Variants in ANXA2 observed in about 807,000 individuals in gnomAD.
ANXA2 encodes annexin A2, also known as annexin II.
ANXA2 carries 28 observed loss-of-function variants against 47.3 expected under a neutral mutation model. The ratio of observed to expected loss-of-function variants is 0.59; its 90% CI spans 0.44 to 0.81. The LOEUF is 0.81. Among genes scored for constraint, ANXA2 ranks in the 40% least tolerant of loss-of-function variants. The probability of loss-of-function intolerance (pLI) is 0.00; values close to 1 mark genes in which losing one functional copy is unlikely to be tolerated. For missense variants in ANXA2, 384 were observed against 414.3 expected (o/e 0.93, Z 0.64); for synonymous variants, 172 against 155.5 (o/e 1.11, Z -0.79).
Position 60,378,140 on chromosome 15 carries a change from GC to G in ANXA2, c.148+4201del, listed in dbSNP as rs199624228. 3.2e-3 allele frequency among the ~76,000 whole-genome samples: 491 copies of G among 152,194 alleles called. 3 individuals carry two copies. Among genetic ancestry groups the G allele is most frequent in the African/African-American group, 0.011 (472 of 41,514 alleles). Reference sequence around the variant, plus strand: ...AAATGGTTGTGGTTGTGATCACATAGCATATACCATCCCATTTCTATTTCTT... The same window carrying G: ...AAATGGTTGTGGTTGTGATCACATAGATATACCATCCCATTTCTATTTCTT... On this transcript the variant is annotated intron_variant, in intron 3 of 12. Transcript: ENST00000451270.
chr15:60,349,462 T>A (rs556622803), intron 11 of ANXA2, among the ~76,000 whole-genome samples: 58 of 152,190 alleles, frequency 3.8e-4, no homozygotes, highest in African/African-American at 1.3e-3. Flanking sequence ...CATAAATGAA[T>A]CTCAAGTTTA....
At chr15:60,393,127 A>C in intron 1 of ANXA2, 1 of 1,284,194 alleles carries the variant, frequency 7.8e-7, no homozygotes, top group Non-Finnish European at 1.0e-6. Context: ...GAATTCCTGG[A>C]ATTCGGCCCA....
intron 11 of ANXA2, among the ~76,000 whole-genome samples, chr15:60,350,838 T>C (rs1401544059): frequency 6.6e-6 from 1 of 152,198 alleles, no homozygotes; most frequent in Non-Finnish European, 1.5e-5. Context: ...GTCCACTGTA[T>C]AGTGGGTGCT....
At chr15:60,386,455 T>C (rs2062934787) in intron 1 of ANXA2, 1 of 167,652 alleles carries the variant, frequency 6.0e-6, no homozygotes, top group Non-Finnish European at 1.3e-5. Flanking sequence ...AACCAGCCAC[T>C]ACTTCTGTAT....
chr15:60,397,370 GTCT>G, intron 1 of ANXA2: 1 of 968,962 alleles, frequency 1.0e-6, no homozygotes, highest in Non-Finnish European at 1.2e-6. Context: ...ACGTTTTAAT[GTCT>G]TCTTTTATGG....
intron 3 of ANXA2, among the ~76,000 whole-genome samples, chr15:60,371,831 C>T (rs8030787): frequency 0.39 from 58,932 of 152,044 alleles, 11,798 homozygotes; most frequent in Admixed American, 0.53. Flanking sequence ...GGTGTGTACA[C>T]GTGGACGTAG....
intron 1 of ANXA2, among the ~76,000 whole-genome samples, chr15:60,392,231 C>T (rs2063022405): frequency 6.6e-6 from 1 of 152,118 alleles, no homozygotes; most frequent in Admixed American, 6.5e-5. Context: ...AAAAAGCTCA[C>T]AGTGCAAGGC....
intron 3 of ANXA2, chr15:60,374,659 A>G (rs1431646720): frequency 4.4e-6 from 2 of 456,006 alleles, no homozygotes; most frequent in Non-Finnish European, 8.8e-6. Context: ...AGTGTTTGAT[A>G]GCTACGTGGC....
chr15:60,368,304 T>C (rs2062663535), intron 3 of ANXA2, among the ~76,000 whole-genome samples: 1 of 36,908 alleles, frequency 2.7e-5, no homozygotes, highest in Non-Finnish European at 5.9e-5. Flanking sequence ...CCAAGAATGA[T>C]CAATAAAAAA....
chr15:60,371,495 T>C (rs1157814285), intron 3 of ANXA2, among the ~76,000 whole-genome samples: 1 of 152,180 alleles, frequency 6.6e-6, no homozygotes, highest in East Asian at 1.9e-4. Context: ...TGGCATTCCA[T>C]GGAAAATGTG....
chr15:60,347,789 A>G (rs1895788956), intron 12 of ANXA2, 100 bp from the exon 13 acceptor site: 3 of 1,063,326 alleles, frequency 2.8e-6, no homozygotes, highest in African/African-American at 3.2e-5. Flanking sequence ...AGCTTCTCCC[A>G]TGACAAAGAG....
rs763951173 is a variant in ANXA2, at chr15:60,364,484, C to T, written c.188G>A (p.Arg63His). 1.1e-5 allele frequency: 17 copies of T among 1,613,080 alleles called. No individual in the cohort carries two copies. Among genetic ancestry groups the T allele is most frequent in the Middle Eastern group, 3.3e-4 (2 of 6,058 alleles). The change falls in exon 4 of 13, where the codon CGC becomes CAC. Residue 63 changes from arginine (R) to histidine (H), a missense_variant. Physicochemically the swap from Arg to His is conservative, Grantham distance 29 (BLOSUM62 0). Coordinates refer to ENST00000451270, the MANE Select transcript of ANXA2 (RefSeq NM_004039.3). ...EVTIVNILTNRSNAQRQDIAF... is the reference protein window; with the variant it reads ...EVTIVNILTNHSNAQRQDIAF... ...AATATCCTGTCTCTGTGCATTGCTG[C>T]GGTTGGTCAAAATGTTGACAATGGT...
intron 7 of ANXA2, 87 bp downstream of exon 7, chr15:60,355,832 T>C: frequency 9.0e-7 from 1 of 1,114,050 alleles, no homozygotes; most frequent in East Asian, 2.3e-5. Context: ...GCACAGGGGA[T>C]TTAGTTAATT....
intron 1 of ANXA2, among the ~76,000 whole-genome samples, chr15:60,387,882 A>C (rs1027972918): frequency 2.6e-5 from 4 of 152,128 alleles, no homozygotes; most frequent in Admixed American, 6.5e-5. Flanking sequence ...CATGAACCTA[A>C]AACTTTCCTA....
chr15:60,393,167 C>G, intron 1 of ANXA2: 1 of 1,244,966 alleles, frequency 8.0e-7, no homozygotes, highest in Non-Finnish European at 1.0e-6. Context: ...GCAGGAGGGA[C>G]ACACAGCACT....
intron 5 of ANXA2, among the ~76,000 whole-genome samples, chr15:60,358,980 C>A (rs2062473285): frequency 6.6e-6 from 1 of 152,254 alleles, no homozygotes; most frequent in South Asian, 2.1e-4. Context: ...AAAGCCCGGC[C>A]CAAACTCTCC....
In ANXA2 at chr15:60,351,803, C is replaced by T. The variant is rs1326542940; in HGVS notation, c.699G>A (p.Lys233=). 6.2e-7 allele frequency: 1 copy of T among 1,612,170 alleles called. No homozygotes were observed. The highest frequency in any genetic ancestry group is 1.3e-5 in the African/African-American group (1 of 74,870). Residue 233 remains lysine (K), a synonymous_variant, in exon 10 of 13, where the codon AAG becomes AAA. Coordinates refer to ENST00000451270, the MANE Select transcript of ANXA2 (RefSeq NM_004039.3). ...PHLQKVFDRY[K]SYSPYDMLES... is the part of the protein sequence containing the mutation. ...CCAACATGTCATAAGGGCTGTAACT[C>T]TTGTACCTATCAAATACTGAGGAAA...
rs550935200 is a variant in ANXA2, at chr15:60,350,428, C to T, written c.837+765G>A. 6.2e-4 allele frequency among the ~76,000 whole-genome samples: 94 copies of T among 152,246 alleles called. 1 individual carries two copies. In the Middle Eastern group the frequency reaches 0.01, roughly 17 times the overall value. ...AACACATTTCTATCATCGCTCTGTG[C>T]CATTTCTAATGATATGTGCAATAAA... On this transcript the variant is annotated intron_variant, in intron 11 of 12. Transcript: ENST00000451270.
rs559527017 is a variant in ANXA2 at position 60,353,346 on chromosome 15, C to T, written c.588+808G>A. On this transcript the variant is annotated intron_variant, in intron 8 of 12. Coordinates refer to ENST00000451270, the MANE Select transcript of ANXA2 (RefSeq NM_004039.3). ...AGGTCTCTGCTGGCCTCCCTTTCTC[C>T]CCCACCACAACAGAGCAGTACACCA... is the stretch of plus-strand genomic sequence containing the variant. 3.9e-5 allele frequency among the ~76,000 whole-genome samples: 6 copies of T among 152,226 alleles called. No homozygotes were observed. The East Asian group carries it at 1.2e-3, about 29-fold the overall frequency.
Sources: gnomAD v4.1 joint callset for allele counts (sites outside exome capture counted in the v4.1 genomes callset) on GRCh38, gnomAD v4.1.1 for gene constraint, MANE v1.5 for transcripts, NCBI Gene and HGNC (gene_info 2026-07-23, HGNC 2026-07-21) for gene names.